Variants in TLN2 observed in about 807,000 individuals in gnomAD.
The protein encoded by TLN2 is talin 2.
Under a neutral mutation model 294.7 loss-of-function variants are expected in TLN2, and 118 were observed. That is an observed-to-expected ratio of 0.40 (90% CI 0.34 to 0.47). TLN2 has a LOEUF of 0.47. Among genes scored for constraint, TLN2 ranks in the 20% least tolerant of loss-of-function variants. The probability of loss-of-function intolerance (pLI) is 0.84; values close to 1 mark genes in which losing one functional copy is unlikely to be tolerated. For missense variants in TLN2, 3,083 were observed against 3,282.2 expected (o/e 0.94, Z 1.48); for synonymous variants, 1,431 against 1,304.5 (o/e 1.10, Z -2.09).
At chr15:62,503,524 A>G (rs763972802) in intron 1 of TLN2, among the ~76,000 whole-genome samples, 2 of 152,246 alleles carry the variant, frequency 1.3e-5, no homozygotes, top group Non-Finnish European at 2.9e-5. Flanking sequence ...TTCTTAGGGA[A>G]GTGATTTTCT....
At chr15:62,791,368 AGT>A (rs765829384) in intron 45 of TLN2, among the ~76,000 whole-genome samples, 47 of 152,282 alleles carry the variant, frequency 3.1e-4, no homozygotes, top group East Asian at 1.9e-4. Context: ...AAAAGAAGAA[AGT>A]GTGTAGAAGA....
Position 62,743,721 on chromosome 15 carries a change from C to T in TLN2, c.4025+2952C>T, listed in dbSNP as rs538830150. Among the ~76,000 whole-genome samples the T allele has an allele frequency of 3.3e-5, 5 of 152,252 alleles. 1 individual carries two copies. The highest frequency in any genetic ancestry group is 2.1e-4 in the South Asian group (1 of 4,816). ...GAAAGCTAGCTTGCAGTTGCCAAAA[C>T]GAAGGGGGTATCCTACCTCTGAACA... On this transcript the variant is annotated intron_variant, in intron 32 of 58. Coordinates refer to ENST00000636159, the MANE Select transcript of TLN2 (RefSeq NM_015059.3).
At chr15:62,640,170 G>A (rs1349487604) in intron 3 of TLN2, 4 of 455,768 alleles carry the variant, frequency 8.8e-6, no homozygotes, top group African/African-American at 6.0e-5. Context: ...CTGCAGAGGA[G>A]CTACTTCTCT....
chr15:62,403,654 G>A (rs557116588), intron 1 of TLN2, among the ~76,000 whole-genome samples: 2 of 152,160 alleles, frequency 1.3e-5, no homozygotes, highest in Admixed American at 1.3e-4. Context: ...TTTCTCTTTG[G>A]AACCCTTCCA....
chr15:62,751,183 T>G (rs1171313035), intron 34 of TLN2, among the ~76,000 whole-genome samples: 6 of 152,100 alleles, frequency 3.9e-5, no homozygotes, highest in African/African-American at 1.4e-4. Flanking sequence ...TCTGTAGTAA[T>G]CATACCAATG....
chr15:62,641,445 C>T (rs988383467), intron 3 of TLN2, among the ~76,000 whole-genome samples: 36 of 151,924 alleles, frequency 2.4e-4, no homozygotes, highest in African/African-American at 8.4e-4. Context: ...GGAGAAACCC[C>T]ATCTCTACTA....
chr15:62,634,257 AT>A (rs1177301336), intron 3 of TLN2, among the ~76,000 whole-genome samples: 2 of 152,174 alleles, frequency 1.3e-5, no homozygotes, highest in Non-Finnish European at 2.9e-5. Context: ...ACAAATTCCC[AT>A]TGATGAGGCC....
intron 50 of TLN2, 152 bp from the exon 51 acceptor site, chr15:62,805,448 A>T: frequency 1.4e-6 from 1 of 731,448 alleles, no homozygotes. Context: ...GAACCATATT[A>T]CTGTACTCAA....
chr15:62,756,056 G>A lies in TLN2; in HGVS notation c.4638+363G>A, dbSNP rs77147727. 1.2e-3 allele frequency among the ~76,000 whole-genome samples: 182 copies of A among 152,258 alleles called. 2 individuals are homozygous for A. Among genetic ancestry groups the A allele is most frequent in the African/African-American group, 3.9e-3 (164 of 41,544 alleles). ...CTTAAATGATATGTTTACTTGCAGC[G>A]TTTTTGGGTGGGCTAGTAGAGGGCT... is the stretch of plus-strand genomic sequence containing the variant. On this transcript the variant is annotated intron_variant, in intron 37 of 58. Coordinates refer to ENST00000636159, the MANE Select transcript of TLN2 (RefSeq NM_015059.3).
intron 1 of TLN2, among the ~76,000 whole-genome samples, chr15:62,518,641 A>G (rs1398667973): frequency 1.3e-5 from 2 of 152,134 alleles, no homozygotes; most frequent in Admixed American, 6.5e-5. Flanking sequence ...TCTGTCACCC[A>G]GGCTGGAGTG....
chr15:62,475,596 CTTCTTG>C (rs1337202446), intron 1 of TLN2, among the ~76,000 whole-genome samples: 1 of 152,154 alleles, frequency 6.6e-6, no homozygotes, highest in Non-Finnish European at 1.5e-5. Context: ...AAGAGCTTTT[CTTCTTG>C]TTCTTATTCT....
rs1487004448 is a variant in TLN2 at position 62,537,383 on chromosome 15, C to T, written c.-237-52304C>T. Among the ~76,000 whole-genome samples, 4 of 152,150 alleles carry T rather than the reference C, an allele frequency of 2.6e-5. No individual in the cohort carries two copies. In the East Asian group the frequency reaches 5.8e-4, roughly 22 times the overall value. ...TCAAGGAAAACCTTCACCTCTAGGA[C>T]TGACAAGCTCCTTGATATTTGGGGG... On this transcript the variant is annotated intron_variant, in intron 1 of 58. Coordinates refer to ENST00000636159, the MANE Select transcript of TLN2 (RefSeq NM_015059.3).
chr15:62,713,990 T>C (rs1257614554), intron 22 of TLN2, among the ~76,000 whole-genome samples: 1 of 150,712 alleles, frequency 6.6e-6, no homozygotes, highest in Non-Finnish European at 1.5e-5. Flanking sequence ...TAAAAGGTTT[T>C]ACTAGTTTAC....
intron 1 of TLN2, among the ~76,000 whole-genome samples, chr15:62,580,388 C>T (rs1303360071): frequency 6.6e-6 from 1 of 151,242 alleles, no homozygotes; most frequent in African/African-American, 2.4e-5. Flanking sequence ...GAGTTTCTCT[C>T]TTCTCCCCTC....
At chr15:62,708,318 G>C (rs966001188) in intron 20 of TLN2, among the ~76,000 whole-genome samples, 184 bp from the exon 21 acceptor site, 1 of 152,190 alleles carries the variant, frequency 6.6e-6, no homozygotes, top group African/African-American at 2.4e-5. Flanking sequence ...ATAGCAGAGC[G>C]TGTGAGACTG....
At chr15:62,668,249 A>G (rs1451540650) in intron 9 of TLN2, among the ~76,000 whole-genome samples, 1 of 152,238 alleles carries the variant, frequency 6.6e-6, no homozygotes, top group Non-Finnish European at 1.5e-5. Flanking sequence ...ACACACATAG[A>G]AACTGAGATG....
rs996900759 is a variant in TLN2, at chr15:62,724,920, T to C, written c.3127-56T>C. On this transcript the variant is annotated intron_variant, in intron 26 of 58. Coordinates refer to ENST00000636159, the MANE Select transcript of TLN2 (RefSeq NM_015059.3). ...GGGCATTTTATAAGTTGCAAAAGTGTTGGGGACACTTTTCCCAAGCAGACT... is the reference window on the plus strand; with the variant it reads ...GGGCATTTTATAAGTTGCAAAAGTGCTGGGGACACTTTTCCCAAGCAGACT... 7 of 1,560,580 alleles carry C rather than the reference T, an allele frequency of 4.5e-6. No homozygotes were observed. The East Asian group carries it at 6.9e-5, about 15-fold the overall frequency.
chr15:62,580,073 G>A (rs1596224499), intron 1 of TLN2, among the ~76,000 whole-genome samples: 1 of 152,180 alleles, frequency 6.6e-6, no homozygotes, highest in South Asian at 2.1e-4. Context: ...CCAGGCCCTG[G>A]CCTGCAGTGG....
chr15:62,643,405 A>ATTTTTTTTTTTTTTTTTTTTTTTTT (rs571288380), intron 3 of TLN2, among the ~76,000 whole-genome samples: 2 of 90,750 alleles, frequency 2.2e-5, no homozygotes, highest in African/African-American at 1.1e-4. Flanking sequence ...TGGTTCCAGG[A>ATTTTTTTTTTTTTTTTTTTTTTTTT]TTTTTTTTTT....
Sources: gnomAD v4.1 joint callset for allele counts (sites outside exome capture counted in the v4.1 genomes callset) on GRCh38, gnomAD v4.1.1 for gene constraint, MANE v1.5 for transcripts, NCBI Gene and HGNC (gene_info 2026-07-23, HGNC 2026-07-21) for gene names.